The following BAG5 variants were observed in gnomAD, a reference collection of about 807,000 sequenced individuals.
The protein encoded by BAG5 is BAG family molecular chaperone regulator 5.
In BAG5, 25 loss-of-function variants were observed where a neutral mutation model predicts 31.8. That is an observed-to-expected ratio of 0.79 (90% confidence interval 0.57 to 1.10). The LOEUF (loss-of-function observed/expected upper bound fraction) is 1.10. Among genes scored for constraint, BAG5 ranks in the 50% least tolerant of loss-of-function variants. The pLI is 0.00. For synonymous variants in BAG5, 208 were observed against 205.0 expected, an observed-to-expected ratio of 1.01 and a Z score of -0.13; for missense variants, 491 against 527.9, an observed-to-expected ratio of 0.93 and a Z score of 0.68.
At position 103,560,027 on chromosome 14, in the gene BAG5, G is replaced by C; in HGVS notation, c.1138C>G (p.Gln380Glu). The C allele has an allele frequency of 6.2e-7, 1 of 1,614,158 alleles. No homozygotes were observed. The highest frequency in any genetic ancestry group is 8.5e-7 in the Non-Finnish European group (1 of 1,180,038). The change falls in exon 2 of 2, where the codon CAG becomes GAG. Residue 380 changes from glutamine to glutamate, a missense_variant. Gln to Glu is a conservative substitution (Grantham distance 29). Transcript: ENST00000299204. The part of the protein sequence containing the change: ...WNVLGNLSEI[Q>E]GEVLSFDGNR... Reference sequence around the variant, plus strand: ...CCATCAAATGAAAGAACTTCTCCCTGGATCTCAGACAAGTTTCCAAGGACG... The same window carrying C: ...CCATCAAATGAAAGAACTTCTCCCTCGATCTCAGACAAGTTTCCAAGGACG...
intron 1 of BAG5, 147 bp from the exon 2 acceptor site, chr14:103,561,339 A>T: frequency 1.4e-6 from 1 of 739,588 alleles, no homozygotes; most frequent in Non-Finnish European, 2.2e-6. Flanking sequence ...AGCTGGGTCT[A>T]CAGTCGTACA....
chr14:103,561,475 G>A (rs1023541832), intron 1 of BAG5, among the ~76,000 whole-genome samples: 4 of 152,180 alleles, frequency 2.6e-5, no homozygotes, highest in East Asian at 3.9e-4. Flanking sequence ...GTCACCGTAC[G>A]CGACACAAAC....
At chr14:103,562,072 G>C in intron 1 of BAG5, 1 of 1,066,670 alleles carries the variant, frequency 9.4e-7, no homozygotes, top group South Asian at 1.3e-5. Flanking sequence ...CTTCCTCCCC[G>C]CCTCGCCCTT....
chr14:103,559,906 C>T lies in BAG5; in HGVS notation c.1259G>A (p.Cys420Tyr), dbSNP rs2076059356. 3 of 1,614,220 alleles carry T rather than the reference C, an allele frequency of 1.9e-6. No homozygotes were observed. Among genetic ancestry groups the T allele is most frequent in the Non-Finnish European group, 2.5e-6 (3 of 1,180,040 alleles). The change falls in exon 2 of 2, where the codon TGT (cysteine) becomes TAT (tyrosine). Residue 420 changes from cysteine (C) to tyrosine (Y), a missense_variant. By Grantham distance (194) the Cys-to-Tyr change is radical. Coordinates refer to ENST00000299204, the MANE Select transcript of BAG5 (RefSeq NM_001015048.3). The stretch of plus-strand genomic sequence containing the variant: ...CACAGCTTGTTTCCTGGCAGCCTTA[C>T]ACTTCTCTTCTCCCTGCGGATCAAC... ...DAVDPQGEEK[C>Y]KAARKQAVRL...
At position 103,560,226 on chromosome 14, in the gene BAG5, T is replaced by A. The variant is rs766000611; in HGVS notation, c.939A>T (p.Leu313Phe). Residue 313 changes from leucine to phenylalanine, a missense_variant, in exon 2 of 2, where the codon TTA becomes TTT. Coordinates refer to ENST00000299204, the MANE Select transcript of BAG5 (RefSeq NM_001015048.3). Reference sequence around the variant, plus strand: ...GACTTACCTCATCCAACTGTCCAATTAAACCCTGCAATTCTGTTTTGGAGC... The same window carrying A: ...GACTTACCTCATCCAACTGTCCAATAAAACCCTGCAATTCTGTTTTGGAGC... ...YLSSKTELQG[L>F]IGQLDEVSLE... is the part of the protein sequence containing the mutation. The A allele has an allele frequency of 6.2e-7, 1 of 1,614,196 alleles. No individual in the cohort carries two copies. Among genetic ancestry groups the A allele is most frequent in the East Asian group, 2.2e-5 (1 of 44,888 alleles).
Position 103,561,109 on chromosome 14 carries a change from T to C in BAG5, c.56A>G (p.Glu19Gly). ...SISRLQEIQK[E>G]VKSVEQQVIG... The stretch of plus-strand genomic sequence containing the variant: ...AACTTGCTGTTCTACACTTTTTACT[T>C]CCTTTTGGATTTCCTGAAGCCTACT... The change falls in exon 2 of 2, where the codon GAA (glutamate) becomes GGA (glycine). Residue 19 changes from glutamate to glycine, a missense_variant. Physicochemically the swap from Glu to Gly is moderately conservative, Grantham distance 98. Transcript: ENST00000299204. 6.2e-7 allele frequency: 1 copy of C among 1,605,010 alleles called. No homozygotes were observed. The highest frequency in any genetic ancestry group is 2.2e-5 in the East Asian group (1 of 44,888).
Position 103,559,487 on chromosome 14 carries a change from A to G in BAG5, c.*334T>C, listed in dbSNP as rs2076056236. On this transcript the variant is annotated 3_prime_UTR_variant, in exon 2 of 2. Transcript: ENST00000299204. The stretch of plus-strand genomic sequence containing the variant: ...ATTATGTAAGGTTATGCCTAGTTCT[A>G]GATTCTGAAAGACCTGCATTTTAAT... 4.2e-6 allele frequency: 1 copy of G among 235,560 alleles called. No homozygotes were observed. The highest frequency in any genetic ancestry group is 8.4e-6 in the Non-Finnish European group (1 of 119,132). The allele number at this position is 235,560 out of a possible 1,614,324, so 14.6% of individuals were successfully genotyped here. A position where few individuals can be genotyped will look rare whatever the true frequency, so the allele number is the denominator to read the frequency against.
At position 103,560,414 on chromosome 14, in the gene BAG5, T is replaced by C. The variant is rs1178052372; in HGVS notation, c.751A>G (p.Lys251Glu). The change falls in exon 2 of 2, where the codon AAA (lysine) becomes GAA (glutamate). Residue 251 changes from lysine to glutamate, a missense_variant. Coordinates refer to ENST00000299204, the MANE Select transcript of BAG5 (RefSeq NM_001015048.3). ...YRREVVEDIN[K>E]LLKYLDLEEE... ...TCCAAATCCAGATATTTCAATAATT[T>C]GTTGATATCTTCTACTACCTCCCTC... 6.2e-7 allele frequency: 1 copy of C among 1,614,186 alleles called. No homozygotes were observed. The highest frequency in any genetic ancestry group is 8.5e-7 in the Non-Finnish European group (1 of 1,180,038).
rs368544168 is a variant in BAG5 at position 103,559,774 on chromosome 14, G to A, written c.*47C>T. On this transcript the variant is annotated 3_prime_UTR_variant, in exon 2 of 2. Transcript: ENST00000299204. ...AACTGAAAGCTCTCTATACATAGAA[G>A]CACATATGAAGTGCAAAACAGTATC... 1.7e-5 allele frequency: 27 copies of A among 1,571,978 alleles called. No individual in the cohort carries two copies. Among genetic ancestry groups the A allele is most frequent in the Non-Finnish European group, 2.2e-5 (25 of 1,158,664 alleles).
chr14:103,560,473 T>C lies in BAG5; in HGVS notation c.692A>G (p.Asp231Gly), dbSNP rs772269638. 3.7e-6 allele frequency: 6 copies of C among 1,614,092 alleles called. No individual in the cohort carries two copies. Among genetic ancestry groups the C allele is most frequent in the Admixed American group, 3.3e-5 (2 of 60,008 alleles). Reference protein sequence around the residue: ...SGLIADLDALDVCGRTEIRNY... With the variant: ...SGLIADLDALGVCGRTEIRNY... ...TCTGATTTCTGTCCGGCCGCACACA[T>C]CTAGAGCATCCAGGTCAGCGATCAG... The change falls in exon 2 of 2, where the codon GAT becomes GGT. Residue 231 changes from aspartate to glycine, a missense_variant. By Grantham distance (94) the Asp-to-Gly change is moderately conservative. Coordinates refer to ENST00000299204, the MANE Select transcript of BAG5 (RefSeq NM_001015048.3).
At chr14:103,561,808 T>C (rs2076077480) in intron 1 of BAG5, 4 of 796,174 alleles carry the variant, frequency 5.0e-6, no homozygotes, top group East Asian at 2.6e-5. Flanking sequence ...GGCACCACCT[T>C]GGGCTTTCGA....
intron 1 of BAG5, 171 bp downstream of exon 1, chr14:103,562,445 G>A (rs1020698667): frequency 5.5e-5 from 11 of 198,578 alleles, no homozygotes; most frequent in Non-Finnish European, 1.0e-4. Flanking sequence ...GGTCGCTTCC[G>A]ACCCCAGGGG....
chr14:103,561,253 T>C, intron 1 of BAG5, 61 bp from the exon 2 acceptor site: 1 of 1,469,652 alleles, frequency 6.8e-7, no homozygotes. Flanking sequence ...ACACTAATGG[T>C]ATATTAAGTC....
At chr14:103,562,187 C>T (rs570804179) in intron 1 of BAG5, 7 of 601,992 alleles carry the variant, frequency 1.2e-5, no homozygotes, top group African/African-American at 9.2e-5. Context: ...GGTGCGGCAC[C>T]GGAGCTGGGC....
At position 103,556,695 on chromosome 14, in the gene BAG5, A is replaced by T. The variant is rs1196849619; in HGVS notation, c.*3126T>A. 5 of 152,198 alleles carry T rather than the reference A, an allele frequency of 3.3e-5. No homozygotes were observed. Among genetic ancestry groups the T allele is most frequent in the Non-Finnish European group, 7.3e-5 (5 of 68,032 alleles). The allele number at this position is 152,198 out of a possible 1,614,324, so 9.4% of individuals were successfully genotyped here. A position where few individuals can be genotyped will look rare whatever the true frequency, so the allele number is the denominator to read the frequency against. ...ACAGAGAGGGGACAGGAACCAATGT[A>T]CTGGAAAAACACACTTGTATTATAT... is the stretch of plus-strand genomic sequence containing the variant. On this transcript the variant is annotated 3_prime_UTR_variant, in exon 2 of 2. Transcript: ENST00000299204.
At chr14:103,561,920 T>C (rs1163782069) in intron 1 of BAG5, 2 of 1,609,104 alleles carry the variant, frequency 1.2e-6, no homozygotes. Context: ...CGCCTCCCAC[T>C]GGGAGTCCAC....
Position 103,560,713 on chromosome 14 carries a change from T to G in BAG5, c.452A>C (p.His151Pro). Residue 151 changes from histidine to proline, a missense_variant, in exon 2 of 2, where the codon CAC becomes CCC. Coordinates refer to ENST00000299204, the MANE Select transcript of BAG5 (RefSeq NM_001015048.3). The part of the protein sequence containing the change: ...GKISLRKARY[H>P]TLTKICAVQE... Reference sequence around the variant, plus strand: ...CACCGCACAGATTTTGGTTAAAGTGTGATACCTTGCTTTCCGCAAGGAGAT... The same window carrying G: ...CACCGCACAGATTTTGGTTAAAGTGGGATACCTTGCTTTCCGCAAGGAGAT... 6.2e-7 allele frequency: 1 copy of G among 1,614,180 alleles called. No homozygotes were observed. Among genetic ancestry groups the G allele is most frequent in the Non-Finnish European group, 8.5e-7 (1 of 1,180,042 alleles).
chr14:103,562,244 C>T, intron 1 of BAG5: 1 of 527,224 alleles, frequency 1.9e-6, no homozygotes, highest in Non-Finnish European at 3.4e-6. Context: ...CTGAGCGGGG[C>T]AGCCGGTGAA....
chr14:103,562,076 C>G (rs1029904537), intron 1 of BAG5: 1 of 1,033,596 alleles, frequency 9.7e-7, no homozygotes, highest in African/African-American at 1.6e-5. Flanking sequence ...CTCCCCGCCT[C>G]GCCCTTCCCT....
Sources: allele counts gnomAD v4.1 joint callset (sites outside exome capture counted in the v4.1 genomes callset), GRCh38; gene constraint gnomAD v4.1.1; transcripts MANE v1.5; gene names NCBI Gene and HGNC (gene_info 2026-07-23, HGNC 2026-07-21).